CUBN: variants seen among roughly 807,000 people sequenced by gnomAD.
The protein encoded by CUBN is 460 kDa receptor.
In CUBN, 282 loss-of-function variants were observed where a neutral mutation model predicts 405.3. That is an observed-to-expected ratio of 0.70 (90% CI 0.63 to 0.77). The LOEUF (loss-of-function observed/expected upper bound fraction) is 0.77. Ranked by LOEUF, CUBN falls within the 30% of genes least tolerant of loss-of-function variation. The pLI is 0.00. For synonymous variants in CUBN, 1,684 were observed against 1,617.0 expected (o/e 1.04, Z -0.99); for missense variants, 4,514 against 4,475.2 (o/e 1.01, Z -0.25).
intron 31 of CUBN, among the ~76,000 whole-genome samples, chr10:16,971,322 T>C (rs7097045): frequency 0.019 from 2,878 of 152,346 alleles, 87 homozygotes; most frequent in African/African-American, 0.065. Context: ...GCTGTAAAGA[T>C]AGAGGGCTGG....
chr10:16,980,614 T>G (rs969573788), intron 31 of CUBN, among the ~76,000 whole-genome samples: 7 of 152,052 alleles, frequency 4.6e-5, no homozygotes, highest in African/African-American at 1.7e-4. Context: ...CACCGCATAT[T>G]CTCACTCGTA....
chr10:17,083,861 C>A (rs1441406213), intron 17 of CUBN, among the ~76,000 whole-genome samples: 1 of 152,032 alleles, frequency 6.6e-6, no homozygotes, highest in Non-Finnish European at 1.5e-5. Flanking sequence ...TCAAATATTC[C>A]CTGTATTACA....
intron 29 of CUBN, among the ~76,000 whole-genome samples, chr10:16,986,616 C>A (rs1381585785): frequency 6.6e-6 from 1 of 152,164 alleles, no homozygotes; most frequent in African/African-American, 2.4e-5. Flanking sequence ...TGCACTCCCC[C>A]CAAGTCCCAT....
chr10:17,043,601 TC>T (rs1835059313), intron 26 of CUBN, among the ~76,000 whole-genome samples: 1 of 152,206 alleles, frequency 6.6e-6, no homozygotes, highest in Non-Finnish European at 1.5e-5. Flanking sequence ...TACGTATTTC[TC>T]CCTCAAATGG....
Position 16,973,019 on chromosome 10 carries a change from G to C in CUBN, c.4695+9465C>G, listed in dbSNP as rs562075257. Among the ~76,000 whole-genome samples, 100 of 152,244 alleles carry C rather than the reference G, an allele frequency of 6.6e-4. 1 individual carries two copies. The highest frequency in any genetic ancestry group is 1.4e-3 in the Non-Finnish European group (92 of 68,022). On this transcript the variant is annotated intron_variant, in intron 31 of 66. Coordinates refer to ENST00000377833, the MANE Select transcript of CUBN (RefSeq NM_001081.4). ...CACTGTAGAATACAGCTCTGAGTAT[G>C]TTATTCCCGTTTTACAGAAAATTTT... is the stretch of plus-strand genomic sequence containing the variant.
intron 28 of CUBN, among the ~76,000 whole-genome samples, chr10:17,015,877 C>T (rs1401113302): frequency 1.3e-5 from 2 of 152,094 alleles, no homozygotes; most frequent in Non-Finnish European, 2.9e-5. Context: ...CATTTTTTGT[C>T]CTTTCTGAAC....
intron 15 of CUBN, among the ~76,000 whole-genome samples, chr10:17,087,466 CT>C (rs879308596): frequency 1.4e-4 from 11 of 79,788 alleles, no homozygotes; most frequent in Middle Eastern, 7.7e-3. Flanking sequence ...TATTATTTTT[CT>C]TTTTCTTTTT....
At chr10:16,965,913 G>C (rs1588528900) in intron 31 of CUBN, 2 of 467,152 alleles carry the variant, frequency 4.3e-6, no homozygotes, top group Non-Finnish European at 8.9e-6. Flanking sequence ...CCAATCACAC[G>C]CTTAGCAGTG....
chr10:16,869,102 T>G (rs958378148), intron 59 of CUBN, among the ~76,000 whole-genome samples: 1 of 151,740 alleles, frequency 6.6e-6, no homozygotes, highest in African/African-American at 2.4e-5. Flanking sequence ...ATTTCTATCA[T>G]AAGCTTCTTC....
In CUBN at chr10:16,899,225, A is replaced by T. The variant is rs763775562; in HGVS notation, c.8411-42T>A. 6.5e-6 allele frequency: 10 copies of T among 1,536,420 alleles called. No homozygotes were observed. In the Admixed American group the frequency reaches 8.3e-5, roughly 13 times the overall value. On this transcript the variant is annotated intron_variant, in intron 53 of 66. Transcript: ENST00000377833. ...TAAAAAGCCATCAATCAGCAAGGAAAGTAATTTTGGAAACTCAAGACTGCT... is the reference window on the plus strand; with the variant it reads ...TAAAAAGCCATCAATCAGCAAGGAATGTAATTTTGGAAACTCAAGACTGCT...
rs1407686413 is a variant in CUBN at position 16,920,013 on chromosome 10, T to C, written c.6771A>G (p.Thr2257=). The change falls in exon 44 of 67, where the codon ACA becomes ACG. Residue 2257 remains threonine, a synonymous_variant. Coordinates refer to ENST00000377833, the MANE Select transcript of CUBN (RefSeq NM_001081.4). ...CIWILAAPPE[T]RIQLQFEDRF... ...GATCTTCAAATTGCAGCTGTATGCG[T>C]GTTTCCGGTGGAGCCGCTAAGATCC... 1 of 1,614,034 alleles carries C rather than the reference T, an allele frequency of 6.2e-7. No individual in the cohort carries two copies. Among genetic ancestry groups the C allele is most frequent in the South Asian group, 1.1e-5 (1 of 91,074 alleles).
intron 24 of CUBN, 87 bp from the exon 25 acceptor site, chr10:17,045,275 T>C: frequency 7.1e-6 from 9 of 1,260,314 alleles, no homozygotes; most frequent in Non-Finnish European, 1.0e-5. Flanking sequence ...GGTGCCATTC[T>C]ACTATCCTTT....
At chr10:17,044,344 A>C (rs1835077769) in intron 25 of CUBN, among the ~76,000 whole-genome samples, 1 of 149,396 alleles carries the variant, frequency 6.7e-6, no homozygotes, top group South Asian at 2.1e-4. Context: ...ATGACATCAC[A>C]AAAGAATAGC....
chr10:17,065,216 A>G (rs1835589307), intron 22 of CUBN, among the ~76,000 whole-genome samples: 2 of 147,650 alleles, frequency 1.4e-5, no homozygotes, highest in Non-Finnish European at 3.0e-5. Context: ...GAGACATTAT[A>G]TTTCTTTACC....
At chr10:17,054,363 G>C (rs1835342214) in intron 22 of CUBN, among the ~76,000 whole-genome samples, 1 of 149,762 alleles carries the variant, frequency 6.7e-6, no homozygotes, top group African/African-American at 2.4e-5. Context: ...GAGGTGAAGT[G>C]AAGTAGTGCT....
intron 22 of CUBN, among the ~76,000 whole-genome samples, chr10:17,051,798 A>G (rs1362218089): frequency 1.3e-5 from 2 of 152,032 alleles, no homozygotes; most frequent in African/African-American, 2.4e-5. Flanking sequence ...ATTTAAAAAA[A>G]CAAAGAAAAA....
At chr10:16,853,321 A>G (rs941041556) in intron 59 of CUBN, among the ~76,000 whole-genome samples, 4 of 152,236 alleles carry the variant, frequency 2.6e-5, no homozygotes, top group Admixed American at 6.5e-5. Flanking sequence ...GGCTAGTTCC[A>G]AAGTTAAACT....
chr10:17,126,883 A>C, intron 3 of CUBN, 84 bp from the exon 4 acceptor site: 2 of 1,382,960 alleles, frequency 1.4e-6, no homozygotes, highest in Non-Finnish European at 2.1e-6. Flanking sequence ...TATTGTCCTA[A>C]TGCCCTCTGC....
chr10:17,029,764 C>A (rs1834750795), intron 27 of CUBN, among the ~76,000 whole-genome samples: 2 of 152,212 alleles, frequency 1.3e-5, no homozygotes, highest in South Asian at 4.1e-4. Flanking sequence ...TCAGATCCAC[C>A]GCTGCTCAGA....
Sources: allele counts gnomAD v4.1 joint callset (sites outside exome capture counted in the v4.1 genomes callset), GRCh38; gene constraint gnomAD v4.1.1; transcripts MANE v1.5; gene names NCBI Gene and HGNC (gene_info 2026-07-23, HGNC 2026-07-21).